TANGO6: variants seen among roughly 807,000 people sequenced by gnomAD.
TANGO6 encodes the protein transport and golgi organization 6 homolog, also known as transport and Golgi organization protein 6 homolog.
In TANGO6, 90 loss-of-function variants were observed where a neutral mutation model predicts 114.2. The ratio of observed to expected loss-of-function variants is 0.79; its 90% CI spans 0.66 to 0.94. The LOEUF (loss-of-function observed/expected upper bound fraction) is 0.94. Ranked by LOEUF, TANGO6 falls within the 40% of genes least tolerant of loss-of-function variation. The pLI is 0.00. For missense variants in TANGO6, 1,274 were observed against 1,315.3 expected (o/e 0.97, Z 0.49); for synonymous variants, 477 against 509.8 (o/e 0.94, Z 0.87).
chr16:68,982,961 A>G (rs1391197438), intron 15 of TANGO6, among the ~76,000 whole-genome samples: 1 of 151,536 alleles, frequency 6.6e-6, no homozygotes, highest in Non-Finnish European at 1.5e-5. Context: ...TTTTTTTTTA[A>G]ATACTTGGTT....
chr16:68,981,210 C>CTTTTTTT (rs553789256), intron 15 of TANGO6, among the ~76,000 whole-genome samples: 7 of 111,050 alleles, frequency 6.3e-5, no homozygotes, highest in South Asian at 5.6e-4. Flanking sequence ...TTTTCTTTTC[C>CTTTTTTT]TTTTTTTTTT....
rs753548074 is a variant in TANGO6, at chr16:69,038,429, C to CA, written c.2995-1866dup. On this transcript the variant is annotated intron_variant, in intron 16 of 17. Coordinates refer to ENST00000261778, the MANE Select transcript of TANGO6 (RefSeq NM_024562.2). ...TGGATGACAGAGCGAGATCCTGTTT[C>CA]AAAAAAAAAAAAAGTATATGAGAGA... Among the ~76,000 whole-genome samples the CA allele has an allele frequency of 1.0e-3, 142 of 137,774 alleles. No homozygotes were observed. The Middle Eastern group carries it at 0.011, about 11-fold the overall frequency. 90.4% of individuals were successfully genotyped at this position (137,774 alleles called of 152,430 possible). A position where few individuals can be genotyped will look rare whatever the true frequency, so the allele number is the denominator to read the frequency against.
intron 15 of TANGO6, among the ~76,000 whole-genome samples, chr16:69,019,425 TG>T (rs1959363486): frequency 1.3e-5 from 2 of 152,202 alleles, no homozygotes; most frequent in Non-Finnish European, 2.9e-5. Flanking sequence ...TGTTAGGAAT[TG>T]GGAGCATTTT....
intron 15 of TANGO6, among the ~76,000 whole-genome samples, chr16:68,986,627 C>T (rs141364743): frequency 1.1e-4 from 16 of 152,124 alleles, no homozygotes; most frequent in Non-Finnish European, 1.6e-4. Flanking sequence ...TCATCTGGGC[C>T]GGGCGCAGTG....
intron 15 of TANGO6, among the ~76,000 whole-genome samples, chr16:68,996,418 A>T (rs1395650567): frequency 6.6e-6 from 1 of 152,124 alleles, no homozygotes; most frequent in East Asian, 1.9e-4. Context: ...GAAACCAGTG[A>T]TTCTTCTATT....
intron 5 of TANGO6, among the ~76,000 whole-genome samples, chr16:68,877,645 T>C (rs1007455171): frequency 6.6e-6 from 1 of 151,688 alleles, no homozygotes; most frequent in African/African-American, 2.4e-5. Flanking sequence ...TCTCGCTCTG[T>C]CGCCCAGGCT....
intron 14 of TANGO6, among the ~76,000 whole-genome samples, chr16:68,971,354 T>C (rs927070146): frequency 6.6e-6 from 1 of 152,136 alleles, no homozygotes; most frequent in Non-Finnish European, 1.5e-5. Flanking sequence ...TACTGCGGCC[T>C]AGAACTTGTG....
At position 68,860,190 on chromosome 16, in the gene TANGO6, C is replaced by T. The variant is rs1376578022; in HGVS notation, c.401C>T (p.Pro134Leu). ...RTPEVAPALS[P>L]DALSISQQKT... ...CCGGAAGTTGCTCCTGCCCTGAGCC[C>T]CGATGCACTTAGTATCTCACAACAG... Residue 134 changes from proline to leucine, a missense_variant, in exon 2 of 18, where the codon CCC (proline) becomes CTC (leucine). By Grantham distance (98) the Pro-to-Leu change is moderately conservative (BLOSUM62 -3). Transcript: ENST00000261778. 1 of 1,613,868 alleles carries T rather than the reference C, an allele frequency of 6.2e-7. No individual in the cohort carries two copies. The highest frequency in any genetic ancestry group is 1.3e-5 in the African/African-American group (1 of 74,918).
At chr16:68,864,614 C>T (rs748485677) in intron 3 of TANGO6, among the ~76,000 whole-genome samples, 4 of 151,956 alleles carry the variant, frequency 2.6e-5, no homozygotes, top group Non-Finnish European at 5.9e-5. Context: ...AGCGAGAAGC[C>T]AAAGGAATTA....
At chr16:68,874,892 G>A (rs1045324990) in intron 4 of TANGO6, among the ~76,000 whole-genome samples, 1 of 152,134 alleles carries the variant, frequency 6.6e-6, no homozygotes, top group African/African-American at 2.4e-5. Context: ...AGAGGTTGCA[G>A]TGAGCTGAGA....
At chr16:68,934,358 A>T (rs918078211) in intron 14 of TANGO6, among the ~76,000 whole-genome samples, 1 of 152,090 alleles carries the variant, frequency 6.6e-6, no homozygotes, top group Non-Finnish European at 1.5e-5. Context: ...TTCTTTCTTT[A>T]TTCAACAAAA....
intron 12 of TANGO6, among the ~76,000 whole-genome samples, chr16:68,925,677 G>T (rs114459632): frequency 0.022 from 3,417 of 152,032 alleles, 100 homozygotes; most frequent in African/African-American, 0.063. Flanking sequence ...TATTTAAAAG[G>T]TCATTGCTTT....
intron 16 of TANGO6, among the ~76,000 whole-genome samples, chr16:69,027,118 T>C (rs1355578128): frequency 6.6e-6 from 1 of 152,162 alleles, no homozygotes; most frequent in African/African-American, 2.4e-5. Context: ...TGCCTCGGCC[T>C]CCCGAAGTGC....
chr16:68,922,543 C>G (rs1963108737), intron 12 of TANGO6, among the ~76,000 whole-genome samples: 1 of 150,542 alleles, frequency 6.6e-6, no homozygotes, highest in Admixed American at 6.6e-5. Context: ...TCAAAACAAA[C>G]AAACAAAAAT....
In TANGO6 at chr16:68,977,290, G is replaced by A. The variant is rs16958525; in HGVS notation, c.2842+3122G>A. Among the ~76,000 whole-genome samples the A allele has an allele frequency of 4.7e-3, 714 of 151,720 alleles. 5 individuals are homozygous for A. The highest frequency in any genetic ancestry group is 0.016 in the African/African-American group (677 of 41,334). ...TATCAGTGAAAGGAGAATTACTTGA[G>A]AGTGAAATTTATTTTGTTTTTGTTT... On this transcript the variant is annotated intron_variant, in intron 15 of 17. Coordinates refer to ENST00000261778, the MANE Select transcript of TANGO6 (RefSeq NM_024562.2).
At chr16:68,989,859 G>A (rs1963932407) in intron 15 of TANGO6, among the ~76,000 whole-genome samples, 1 of 152,174 alleles carries the variant, frequency 6.6e-6, no homozygotes. Context: ...GCTGCTTTGA[G>A]TCTACTCTAT....
At chr16:69,068,864 C>A (rs1261960513) in intron 17 of TANGO6, among the ~76,000 whole-genome samples, 1 of 152,158 alleles carries the variant, frequency 6.6e-6, no homozygotes, top group Non-Finnish European at 1.5e-5. Context: ...CAGGTGCCCG[C>A]CACCACGCCC....
chr16:68,949,169 A>G, intron 14 of TANGO6, among the ~76,000 whole-genome samples: 1 of 152,134 alleles, frequency 6.6e-6, no homozygotes, highest in East Asian at 1.9e-4. Context: ...CTGGGCAACA[A>G]TAGTGAAACT....
chr16:68,900,349 A>G, intron 7 of TANGO6, 85 bp from the exon 8 acceptor site: 1 of 1,029,516 alleles, frequency 9.7e-7, no homozygotes, highest in Admixed American at 1.9e-5. Flanking sequence ...TAAGACGCTG[A>G]GCCCTGCTAG....
Sources: gnomAD v4.1 joint callset for allele counts (sites outside exome capture counted in the v4.1 genomes callset) on GRCh38, gnomAD v4.1.1 for gene constraint, MANE v1.5 for transcripts, NCBI Gene and HGNC (gene_info 2026-07-23, HGNC 2026-07-21) for gene names.